CHORDC1: variants seen among roughly 807,000 people sequenced by gnomAD.
CHORDC1 encodes cysteine and histidine-rich domain-containing protein 1.
In CHORDC1, 25 loss-of-function variants were observed where a neutral mutation model predicts 48.3. The observed-to-expected ratio is 0.52, with a 90% CI of 0.38 to 0.72. CHORDC1 has a LOEUF of 0.72. Among genes scored for constraint, CHORDC1 ranks in the 30% least tolerant of loss-of-function variants. The probability of loss-of-function intolerance (pLI) is 0.00; values close to 1 mark genes in which losing one functional copy is unlikely to be tolerated. For missense variants in CHORDC1, 317 were observed against 388.7 expected, an observed-to-expected ratio of 0.82 and a Z score of 1.55; for synonymous variants, 128 against 126.4, an observed-to-expected ratio of 1.01 and a Z score of -0.09.
At chr11:90,217,567 C>T (rs1388979415) in intron 2 of CHORDC1, among the ~76,000 whole-genome samples, 1 of 152,118 alleles carries the variant, frequency 6.6e-6, no homozygotes, top group East Asian at 1.9e-4. Flanking sequence ...AGATTCAATA[C>T]AACCACTCTA....
Position 90,202,171 on chromosome 11 carries a change from C to T in CHORDC1, c.*234G>A. On this transcript the variant is annotated 3_prime_UTR_variant, in exon 11 of 11. Transcript: ENST00000320585. Reference sequence around the variant, plus strand: ...TTCCAGCCTCTTCAAGTATAGGACACAACTATGGTTCCTACCAGTAGGGAG... The same window carrying T: ...TTCCAGCCTCTTCAAGTATAGGACATAACTATGGTTCCTACCAGTAGGGAG... The T allele has an allele frequency of 4.2e-6, 2 of 472,628 alleles. No individual in the cohort carries two copies. Among genetic ancestry groups the T allele is most frequent in the Non-Finnish European group, 7.5e-6 (2 of 266,778 alleles). 29.3% of individuals were successfully genotyped at this position (472,628 alleles called of 1,614,324 possible).
chr11:90,222,733 G>A (rs1191969862), intron 1 of CHORDC1, 158 bp downstream of exon 1: 4 of 742,020 alleles, frequency 5.4e-6, no homozygotes, highest in African/African-American at 1.7e-5. Context: ...AGGGGCGGCC[G>A]GCGGGCTGCG....
Position 90,201,936 on chromosome 11 carries a change from A to G in CHORDC1, c.*469T>C, listed in dbSNP as rs189439328. 6.7e-3 allele frequency: 1,025 copies of G among 152,626 alleles called. 7 individuals are homozygous for G. The highest frequency in any genetic ancestry group is 0.041 in the Middle Eastern group (12 of 292). The allele number at this position is 152,626 out of a possible 1,614,324, so 9.5% of individuals were successfully genotyped here. A position where few individuals can be genotyped will look rare whatever the true frequency, so the allele number is the denominator to read the frequency against. ...CTCCTTAAAAAAGTAATCATCCCAC[A>G]TAGAAAAAACTGCAGAGCTTCATCT... On this transcript the variant is annotated 3_prime_UTR_variant, in exon 11 of 11. Coordinates refer to ENST00000320585, the MANE Select transcript of CHORDC1 (RefSeq NM_012124.3).
At chr11:90,211,191 C>T (rs763688828) in intron 5 of CHORDC1, 24 bp downstream of exon 5, 8 of 1,445,264 alleles carry the variant, frequency 5.5e-6, no homozygotes, top group South Asian at 3.5e-5. Flanking sequence ...AAATAATTAA[C>T]AATAAAACAA....
intron 3 of CHORDC1, 46 bp downstream of exon 3, chr11:90,215,128 C>T (rs1365719644): frequency 9.1e-7 from 1 of 1,101,250 alleles, no homozygotes; most frequent in Non-Finnish European, 1.3e-6. Context: ...CTTTCTATAA[C>T]ATGTATTTTT....
At chr11:90,203,751 C>T (rs1428176434) in intron 8 of CHORDC1, among the ~76,000 whole-genome samples, 1 of 152,078 alleles carries the variant, frequency 6.6e-6, no homozygotes. Context: ...CATTCTGTAA[C>T]CTACTAAGTA....
intron 1 of CHORDC1, among the ~76,000 whole-genome samples, chr11:90,219,628 T>C (rs561088448): frequency 1.3e-5 from 2 of 152,330 alleles, no homozygotes; most frequent in South Asian, 4.1e-4. Context: ...CTTAAGGACA[T>C]GTTCATGCTG....
At chr11:90,211,596 A>G in intron 4 of CHORDC1, 1 of 273,562 alleles carries the variant, frequency 3.7e-6, no homozygotes, top group Non-Finnish European at 6.9e-6. Flanking sequence ...AGAAAGGAAT[A>G]AAGACTAGGA....
rs1434574999 is a variant in CHORDC1 at position 90,214,137 on chromosome 11, A to G, written c.210T>C (p.Pro70=). ...TCTTGACTTCAGGTTTGACTGGCTC[A>G]GGTGGCTTCTCACTATTATGTCTAC... ...TKGRHNSEKP[P]EPVKPEVKTT... is the part of the protein sequence containing the mutation. Residue 70 remains proline, a synonymous_variant, in exon 4 of 11, where the codon CCT becomes CCC. Transcript: ENST00000320585. The G allele has an allele frequency of 1.2e-6, 2 of 1,613,410 alleles. No homozygotes were observed. Among genetic ancestry groups the G allele is most frequent in the South Asian group, 1.1e-5 (1 of 91,020 alleles).
At chr11:90,205,810 A>G (rs1416906178) in intron 7 of CHORDC1, 2 of 482,508 alleles carry the variant, frequency 4.1e-6, no homozygotes, top group Non-Finnish European at 7.2e-6. Flanking sequence ...AGAGGCTCTC[A>G]ACTGCAGGAT....
chr11:90,222,888 T>C lies in CHORDC1; in HGVS notation c.64+3A>G. The stretch of plus-strand genomic sequence containing the variant: ...GGGAGGGCTGGCGGCGCGTTCCTCT[T>C]ACCGTCGGAATTGGTCTCAGGATCG... On this transcript the variant is annotated splice_donor_region_variant and intron_variant, in intron 1 of 10. Transcript: ENST00000320585. 1.2e-6 allele frequency: 2 copies of C among 1,613,822 alleles called. No homozygotes were observed. The highest frequency in any genetic ancestry group is 1.7e-6 in the Non-Finnish European group (2 of 1,179,776).
intron 6 of CHORDC1, chr11:90,208,996 C>T (rs1040093647): frequency 6.6e-6 from 1 of 152,102 alleles, no homozygotes; most frequent in African/African-American, 2.4e-5. Flanking sequence ...TATACTTGTG[C>T]TATTACTTAC....
At chr11:90,222,720 C>G in intron 1 of CHORDC1, 171 bp downstream of exon 1, 1 of 723,150 alleles carries the variant, frequency 1.4e-6, no homozygotes, top group Non-Finnish European at 2.5e-6. Flanking sequence ...CGCGGCGCAA[C>G]AGAGGGGCGG....
chr11:90,210,564 G>T lies in CHORDC1; in HGVS notation c.464C>A (p.Thr155Asn). The T allele has an allele frequency of 6.3e-7, 1 of 1,591,598 alleles. No individual in the cohort carries two copies. The highest frequency in any genetic ancestry group is 8.6e-7 in the Non-Finnish European group (1 of 1,162,242). The change falls in exon 6 of 11, where the codon ACC (threonine) becomes AAC (asparagine). Residue 155 changes from threonine (T) to asparagine (N), a missense_variant. Thr to Asn is a moderately conservative substitution (Grantham distance 65). Coordinates refer to ENST00000320585, the MANE Select transcript of CHORDC1 (RefSeq NM_012124.3). ...TGAACACCCTCCATTCTTACATGAG[G>T]TCCCAATCTTAATTTCATCATTGTC... ...EEDNDEIKIG[T>N]SCKNGGCSKT...
At chr11:90,218,218 C>T (rs1400814882) in intron 1 of CHORDC1, 34 bp from the exon 2 acceptor site, 1 of 1,497,098 alleles carries the variant, frequency 6.7e-7, no homozygotes, top group East Asian at 2.3e-5. Context: ...AAAAGTACCA[C>T]TCTTTATAAT....
chr11:90,210,820 T>TC, intron 5 of CHORDC1: 2 of 484,584 alleles, frequency 4.1e-6, no homozygotes, highest in Non-Finnish European at 7.3e-6. Flanking sequence ...AAATGTTATA[T>TC]CCAGTATCTT....
chr11:90,222,221 G>T (rs6483036), intron 1 of CHORDC1, among the ~76,000 whole-genome samples: 86,281 of 152,060 alleles, frequency 0.57, 24,822 homozygotes, highest in East Asian at 0.76. Context: ...CATTTTATAC[G>T]GGAGTAGGCA....
At chr11:90,209,980 G>C (rs1047031680) in intron 6 of CHORDC1, among the ~76,000 whole-genome samples, 4 of 152,078 alleles carry the variant, frequency 2.6e-5, no homozygotes, top group African/African-American at 9.7e-5. Flanking sequence ...TGCTACCCTT[G>C]CCCAAGCTCC....
At chr11:90,210,068 A>T (rs1010245899) in intron 6 of CHORDC1, among the ~76,000 whole-genome samples, 8 of 152,176 alleles carry the variant, frequency 5.3e-5, no homozygotes, top group Non-Finnish European at 1.2e-4. Context: ...CTCTTCACCC[A>T]GGTTTACATA....
Sources: gnomAD v4.1 joint callset for allele counts (sites outside exome capture counted in the v4.1 genomes callset) on GRCh38, gnomAD v4.1.1 for gene constraint, MANE v1.5 for transcripts, NCBI Gene and HGNC (gene_info 2026-07-23, HGNC 2026-07-21) for gene names.